Variants in VPS45 observed in about 807,000 individuals in gnomAD.
VPS45 encodes vacuolar protein sorting 45 homolog, also known as vacuolar protein sorting-associated protein 45.
Under a neutral mutation model 75.9 loss-of-function variants are expected in VPS45, and 35 were observed. That is an observed-to-expected ratio of 0.46 (90% CI 0.35 to 0.61). VPS45 has a LOEUF of 0.61. Ranked by LOEUF, VPS45 falls within the 20% of genes least tolerant of loss-of-function variation. VPS45 has a pLI of 0.00. For missense variants in VPS45, 559 were observed against 685.9 expected (o/e 0.81, Z 2.07); for synonymous variants, 220 against 238.2 (o/e 0.92, Z 0.70).
At chr1:150,108,404 A>C (rs181468529) in intron 13 of VPS45, among the ~76,000 whole-genome samples, 3 of 152,298 alleles carry the variant, frequency 2.0e-5, no homozygotes, top group South Asian at 2.1e-4. Flanking sequence ...TGGGGAATTA[A>C]ATATTTAATT....
intron 13 of VPS45, 143 bp from the exon 14 acceptor site, chr1:150,110,353 T>A: frequency 1.2e-6 from 1 of 812,490 alleles, no homozygotes; most frequent in Non-Finnish European, 1.8e-6. Flanking sequence ...ATTGAAACTT[T>A]TTTTAAACCT....
Position 150,092,426 on chromosome 1 carries a change from T to A in VPS45, c.1371+17T>A, listed in dbSNP as rs1553802146. 1 of 1,604,472 alleles carries A rather than the reference T, an allele frequency of 6.2e-7. No homozygotes were observed. Among genetic ancestry groups the A allele is most frequent in the Non-Finnish European group, 8.5e-7 (1 of 1,171,996 alleles). On this transcript the variant is annotated intron_variant, in intron 12 of 14. Coordinates refer to ENST00000644510, the MANE Select transcript of VPS45 (RefSeq NM_007259.5). ...GGACTGAAGGTATAGACATCTCCTCTATGCTCTCCTGAGTGAGAACAGTTG... is the reference window on the plus strand; with the variant it reads ...GGACTGAAGGTATAGACATCTCCTCAATGCTCTCCTGAGTGAGAACAGTTG...
At chr1:150,100,921 C>G (rs141102353) in intron 13 of VPS45, among the ~76,000 whole-genome samples, 5 of 152,222 alleles carry the variant, frequency 3.3e-5, no homozygotes, top group Non-Finnish European at 5.9e-5. Context: ...TAGGAACAGG[C>G]TAAGATTTCA....
In VPS45 at chr1:150,144,804, G is replaced by C; in HGVS notation, c.*8G>C. 1.9e-6 allele frequency: 3 copies of C among 1,614,136 alleles called. No homozygotes were observed. Among genetic ancestry groups the C allele is most frequent in the Non-Finnish European group, 2.5e-6 (3 of 1,180,034 alleles). The stretch of plus-strand genomic sequence containing the variant: ...TCAGCGAGCAGAAGATGAAACGGTG[G>C]TTGGGGGAAGGGCACAGCTTCCTCT... On this transcript the variant is annotated 3_prime_UTR_variant, in exon 15 of 15. Transcript: ENST00000644510.
intron 12 of VPS45, among the ~76,000 whole-genome samples, chr1:150,092,909 T>C (rs1553802296): frequency 6.8e-6 from 1 of 146,778 alleles, no homozygotes; most frequent in Admixed American, 6.9e-5. Context: ...TGGCGTGATC[T>C]CGGCTCACTG....
At chr1:150,069,762 C>T (rs1180465532) in intron 2 of VPS45, among the ~76,000 whole-genome samples, 1 of 152,056 alleles carries the variant, frequency 6.6e-6, no homozygotes, top group African/African-American at 2.4e-5. Flanking sequence ...GGCTGTTATA[C>T]TTTCTTGATT....
chr1:150,103,664 C>G (rs1480683219), intron 13 of VPS45, among the ~76,000 whole-genome samples: 1 of 152,158 alleles, frequency 6.6e-6, no homozygotes, highest in Non-Finnish European at 1.5e-5. Flanking sequence ...TGCTAAAAGC[C>G]CACTTGAATT....
chr1:150,086,312 TA>T (rs1245266948), intron 10 of VPS45, among the ~76,000 whole-genome samples: 1 of 152,130 alleles, frequency 6.6e-6, no homozygotes, highest in Non-Finnish European at 1.5e-5. Flanking sequence ...AATGAGCTAA[TA>T]CATGTAAAAC....
chr1:150,074,189 AT>A (rs201769442), intron 3 of VPS45, among the ~76,000 whole-genome samples: 4 of 149,434 alleles, frequency 2.7e-5, no homozygotes, highest in East Asian at 2.0e-4. Flanking sequence ...TAATTTTTGT[AT>A]TTTTTTTTAG....
chr1:150,087,710 GA>G (rs1656088411), intron 10 of VPS45, among the ~76,000 whole-genome samples: 1 of 152,178 alleles, frequency 6.6e-6, no homozygotes, highest in Admixed American at 6.5e-5. Flanking sequence ...AGAAAAGAAA[GA>G]ACTCAGCTTG....
intron 13 of VPS45, among the ~76,000 whole-genome samples, chr1:150,094,115 T>C (rs369775839): frequency 4.9e-4 from 74 of 152,358 alleles, no homozygotes; most frequent in African/African-American, 1.7e-3. Flanking sequence ...AGGATGGCTT[T>C]CTTTTTGAGT....
At chr1:150,143,633 T>C (rs918935830) in intron 14 of VPS45, among the ~76,000 whole-genome samples, 2 of 150,244 alleles carry the variant, frequency 1.3e-5, no homozygotes, top group African/African-American at 4.9e-5. Context: ...TAGTCAAACA[T>C]AGGACATAGT....
intron 14 of VPS45, among the ~76,000 whole-genome samples, chr1:150,119,570 G>A (rs1009808501): frequency 2.6e-5 from 4 of 152,116 alleles, no homozygotes; most frequent in Admixed American, 6.6e-5. Flanking sequence ...TAGATTTGCC[G>A]CGATATTGCT....
intron 14 of VPS45, among the ~76,000 whole-genome samples, chr1:150,118,358 T>A (rs1462113769): frequency 1.3e-5 from 2 of 149,652 alleles, no homozygotes; most frequent in East Asian, 2.0e-4. Flanking sequence ...GAAAAAAAAA[T>A]GAAACATCTA....
intron 14 of VPS45, among the ~76,000 whole-genome samples, chr1:150,112,201 G>A (rs1404536937): frequency 6.6e-6 from 1 of 151,290 alleles, no homozygotes; most frequent in African/African-American, 2.4e-5. Context: ...TAAGGTTATT[G>A]GCCATTTGTC....
chr1:150,108,271 T>C lies in VPS45; in HGVS notation c.1494-2225T>C, dbSNP rs758141100. 1.2e-3 allele frequency among the ~76,000 whole-genome samples: 190 copies of C among 152,312 alleles called. 1 individual carries two copies. Among genetic ancestry groups the C allele is most frequent in the Middle Eastern group, 3.4e-3 (1 of 294 alleles). On this transcript the variant is annotated intron_variant, in intron 13 of 14. Coordinates refer to ENST00000644510, the MANE Select transcript of VPS45 (RefSeq NM_007259.5). The stretch of plus-strand genomic sequence containing the variant: ...TGGAGATTTGGGAACCATCAGCAGA[T>C]GTATTTACAACCAAAAAATGGTGTG...
rs908376208 is a variant in VPS45 at position 150,084,834 on chromosome 1, A to G, written c.1104+1951A>G. Among the ~76,000 whole-genome samples, 4 of 152,266 alleles carry G rather than the reference A, an allele frequency of 2.6e-5. No homozygotes were observed. In the South Asian group the frequency reaches 8.3e-4, roughly 32 times the overall value. On this transcript the variant is annotated intron_variant, in intron 10 of 14. Coordinates refer to ENST00000644510, the MANE Select transcript of VPS45 (RefSeq NM_007259.5). ...TATGATTTCAAACTTTCAGACTGTT[A>G]CGATGATTCAATGAGATATGTAAAA...
At chr1:150,080,016 A>G (rs1655611122) in intron 7 of VPS45, among the ~76,000 whole-genome samples, 1 of 152,212 alleles carries the variant, frequency 6.6e-6, no homozygotes, top group African/African-American at 2.4e-5. Flanking sequence ...TAAAAGGTTA[A>G]AAGTTACAAT....
At position 150,144,862 on chromosome 1, in the gene VPS45, A is replaced by G; in HGVS notation, c.*66A>G. 2 of 1,608,790 alleles carry G rather than the reference A, an allele frequency of 1.2e-6. No individual in the cohort carries two copies. Among genetic ancestry groups the G allele is most frequent in the Admixed American group, 3.4e-5 (2 of 59,244 alleles). On this transcript the variant is annotated 3_prime_UTR_variant, in exon 15 of 15. Coordinates refer to ENST00000644510, the MANE Select transcript of VPS45 (RefSeq NM_007259.5). ...CCACTACAGGTTTTCCCTACTAAACAAAGGTGTTGGAGAGCAGCTTTGGGT... is the reference window on the plus strand; with the variant it reads ...CCACTACAGGTTTTCCCTACTAAACGAAGGTGTTGGAGAGCAGCTTTGGGT...
Sources: allele counts gnomAD v4.1 joint callset (sites outside exome capture counted in the v4.1 genomes callset), GRCh38; gene constraint gnomAD v4.1.1; transcripts MANE v1.5; gene names NCBI Gene and HGNC (gene_info 2026-07-23, HGNC 2026-07-21).